The following AGBL4 variants were observed in gnomAD, a reference collection of about 807,000 sequenced individuals.
AGBL4 encodes the protein AGBL carboxypeptidase 4, also known as cytosolic carboxypeptidase 6.
In AGBL4, 58 loss-of-function variants were observed where a neutral mutation model predicts 66.4. The ratio of observed to expected loss-of-function variants is 0.87; its 90% CI spans 0.71 to 1.09. The LOEUF is 1.09. Ranked by LOEUF, AGBL4 falls within the 50% of genes least tolerant of loss-of-function variation. The pLI is 0.00. For synonymous variants in AGBL4, 234 were observed against 222.9 expected, an observed-to-expected ratio of 1.05 and a Z score of -0.44; for missense variants, 579 against 631.0, an observed-to-expected ratio of 0.92 and a Z score of 0.88.
chr1:48,879,272 A>AGTGTGT lies in AGBL4; in HGVS notation c.595-12048_595-12043dup, dbSNP rs71672631. On this transcript the variant is annotated intron_variant, in intron 5 of 13. Coordinates refer to ENST00000371839, the MANE Select transcript of AGBL4 (RefSeq NM_032785.4). ...ATCTTGAAGTCTGTTGAGAGGGGTC[A>AGTGTGT]GTGTGTGTGTGTGTGTGTGTGCACG... 2.5e-4 allele frequency among the ~76,000 whole-genome samples: 37 copies of AGTGTGT among 148,248 alleles called. 1 individual carries two copies. Among genetic ancestry groups the AGTGTGT allele is most frequent in the African/African-American group, 8.3e-4 (34 of 40,754 alleles).
intron 6 of AGBL4, among the ~76,000 whole-genome samples, chr1:48,788,322 G>A (rs997826825): frequency 3.9e-5 from 6 of 152,178 alleles, no homozygotes. Context: ...ACAAGGATGG[G>A]TTCCTGGAGC....
At chr1:49,675,850 AT>A (rs1404886994) in intron 3 of AGBL4, among the ~76,000 whole-genome samples, 3 of 152,072 alleles carry the variant, frequency 2.0e-5, no homozygotes, top group Non-Finnish European at 4.4e-5. Context: ...GAATCACTTA[AT>A]TTTACAGATC....
chr1:49,573,162 G>A (rs978580610), intron 3 of AGBL4, among the ~76,000 whole-genome samples: 1 of 149,736 alleles, frequency 6.7e-6, no homozygotes, highest in Non-Finnish European at 1.5e-5. Context: ...GTGTGTGTGT[G>A]TGTGTGTGTG....
intron 3 of AGBL4, among the ~76,000 whole-genome samples, chr1:49,337,296 A>T (rs189713189): frequency 6.6e-5 from 10 of 152,334 alleles, no homozygotes; most frequent in Admixed American, 6.5e-4. Context: ...AGAGATCTGC[A>T]GACAGACAGA....
intron 1 of AGBL4, among the ~76,000 whole-genome samples, chr1:49,948,051 AAT>A (rs199538914): frequency 0.92 from 78,849 of 85,432 alleles, 36,421 homozygotes; most frequent in South Asian, 0.97. Flanking sequence ...TAAATATATA[AAT>A]ATATATATGT....
At chr1:49,067,115 T>C (rs1442978518) in intron 4 of AGBL4, among the ~76,000 whole-genome samples, 2 of 152,058 alleles carry the variant, frequency 1.3e-5, no homozygotes, top group Non-Finnish European at 2.9e-5. Flanking sequence ...TAGAAGTGTG[T>C]CCACAGAGAA....
At chr1:48,861,413 GA>G (rs1647458742) in intron 6 of AGBL4, among the ~76,000 whole-genome samples, 1 of 152,148 alleles carries the variant, frequency 6.6e-6, no homozygotes, top group South Asian at 2.1e-4. Context: ...AGTATACTCA[GA>G]GTATCAAGCA....
intron 3 of AGBL4, among the ~76,000 whole-genome samples, chr1:49,654,618 G>C (rs922356946): frequency 1.3e-5 from 2 of 152,178 alleles, no homozygotes; most frequent in Non-Finnish European, 2.9e-5. Context: ...TGCATTGGCA[G>C]CATATATATT....
At chr1:48,759,819 AACTCTAATCT>A (rs1350262476) in intron 6 of AGBL4, among the ~76,000 whole-genome samples, 8 of 152,212 alleles carry the variant, frequency 5.3e-5, no homozygotes, top group Non-Finnish European at 7.3e-5. Context: ...GGATGTTAAA[AACTCTAATCT>A]ACTCTAATCT....
chr1:49,325,118 G>A (rs1005762282), intron 3 of AGBL4, among the ~76,000 whole-genome samples: 1 of 152,134 alleles, frequency 6.6e-6, no homozygotes, highest in African/African-American at 2.4e-5. Context: ...CACCTCCTGG[G>A]TTCACACCAT....
At chr1:49,528,381 T>C (rs1249270873) in intron 3 of AGBL4, among the ~76,000 whole-genome samples, 3 of 152,054 alleles carry the variant, frequency 2.0e-5, no homozygotes, top group African/African-American at 7.2e-5. Flanking sequence ...CTAATCAATA[T>C]AGCACTTCTA....
chr1:49,442,600 T>C (rs1646059832), intron 3 of AGBL4, among the ~76,000 whole-genome samples: 1 of 152,208 alleles, frequency 6.6e-6, no homozygotes, highest in Non-Finnish European at 1.5e-5. Context: ...CTTTTTGATG[T>C]CTGAATAGTA....
intron 3 of AGBL4, among the ~76,000 whole-genome samples, chr1:49,476,345 G>GTC (rs1199848057): frequency 4.6e-5 from 7 of 152,122 alleles, no homozygotes; most frequent in African/African-American, 1.4e-4. Flanking sequence ...CAATCTTAGA[G>GTC]TATGTTCCAT....
chr1:49,553,138 C>T (rs113427054), intron 3 of AGBL4, among the ~76,000 whole-genome samples: 10 of 152,274 alleles, frequency 6.6e-5, no homozygotes, highest in African/African-American at 2.4e-4. Context: ...CTACATTTCG[C>T]ATTTTAATTA....
In AGBL4 at chr1:49,796,825, T is replaced by C. The variant is rs925447105; in HGVS notation, c.157+54571A>G. 7.9e-5 allele frequency among the ~76,000 whole-genome samples: 12 copies of C among 152,134 alleles called. No homozygotes were observed. In the East Asian group the frequency reaches 1.5e-3, roughly 20 times the overall value. On this transcript the variant is annotated intron_variant, in intron 2 of 13. Coordinates refer to ENST00000371839, the MANE Select transcript of AGBL4 (RefSeq NM_032785.4). ...ATGAGTACATATTATTATTTCAATA[T>C]TTAAAAGTGACTTTTCAATGGGTAT... is the stretch of plus-strand genomic sequence containing the variant.
At chr1:49,347,790 G>T (rs1434219591) in intron 3 of AGBL4, among the ~76,000 whole-genome samples, 1 of 151,762 alleles carries the variant, frequency 6.6e-6, no homozygotes, top group Non-Finnish European at 1.5e-5. Flanking sequence ...AACCCGGGAG[G>T]CAGACGTTGC....
chr1:49,681,800 T>C (rs1249436383), intron 3 of AGBL4, among the ~76,000 whole-genome samples: 1 of 152,208 alleles, frequency 6.6e-6, no homozygotes, highest in Non-Finnish European at 1.5e-5. Context: ...CTGTGAGAGA[T>C]CCTTTATTCC....
intron 11 of AGBL4, among the ~76,000 whole-genome samples, chr1:48,564,949 C>T (rs1371425999): frequency 6.6e-6 from 1 of 152,222 alleles, no homozygotes; most frequent in Non-Finnish European, 1.5e-5. Context: ...CTCTTGCTAT[C>T]TCCATGCATC....
intron 4 of AGBL4, among the ~76,000 whole-genome samples, chr1:49,069,664 G>A (rs1047003659): frequency 3.3e-5 from 5 of 151,876 alleles, no homozygotes; most frequent in East Asian, 1.9e-4. Context: ...GTCAGGTAGC[G>A]TGACACCTCC....
Sources: gnomAD v4.1 joint callset for allele counts (sites outside exome capture counted in the v4.1 genomes callset) on GRCh38, gnomAD v4.1.1 for gene constraint, MANE v1.5 for transcripts, NCBI Gene and HGNC (gene_info 2026-07-23, HGNC 2026-07-21) for gene names.